SHANK2: variants seen among roughly 807,000 people sequenced by gnomAD.
SHANK2 encodes SH3 and multiple ankyrin repeat domains 2, also known as SH3 and multiple ankyrin repeat domains protein 2.
A neutral mutation model predicts 133.7 loss-of-function variants in SHANK2; 43 were observed. The ratio of observed to expected loss-of-function variants is 0.32; its 90% CI spans 0.25 to 0.41. The LOEUF is 0.41. Among genes scored for constraint, SHANK2 ranks in the 10% least tolerant of loss-of-function variants. SHANK2 has a pLI of 1.00. For synonymous variants in SHANK2, 1,017 were observed against 952.8 expected (o/e 1.07, Z -1.24); for missense variants, 1,994 against 2,235.8 (o/e 0.89, Z 2.18).
intron 3 of SHANK2, among the ~76,000 whole-genome samples, chr11:71,132,640 G>C (rs1377900283): frequency 1.2e-4 from 19 of 152,172 alleles, no homozygotes; most frequent in Non-Finnish European, 2.2e-4. Context: ...ATACGTAACA[G>C]AGGAAGGGTC....
intron 17 of SHANK2, among the ~76,000 whole-genome samples, chr11:70,615,239 A>G (rs1445441430): frequency 1.3e-5 from 2 of 152,046 alleles, no homozygotes; most frequent in Non-Finnish European, 2.9e-5. Context: ...AATGCAGCCC[A>G]CACCCCGCTC....
At chr11:70,583,011 G>T (rs1250714512) in intron 17 of SHANK2, among the ~76,000 whole-genome samples, 4 of 152,206 alleles carry the variant, frequency 2.6e-5, no homozygotes, top group Non-Finnish European at 5.9e-5. Context: ...GTGCTGCCCT[G>T]TGGCTGGGGG....
chr11:70,934,587 G>T (rs1363353261), intron 10 of SHANK2, among the ~76,000 whole-genome samples: 1 of 152,190 alleles, frequency 6.6e-6, no homozygotes, highest in East Asian at 1.9e-4. Flanking sequence ...GCCTCTCCTG[G>T]CATTCTTTGC....
At chr11:70,805,650 G>T (rs782702342) in intron 13 of SHANK2, among the ~76,000 whole-genome samples, 1 of 152,182 alleles carries the variant, frequency 6.6e-6, no homozygotes, top group Non-Finnish European at 1.5e-5. Context: ...AACCTACAGT[G>T]TTGTAAAAAC....
At chr11:70,658,264 GAC>G (rs1208417379) in intron 17 of SHANK2, among the ~76,000 whole-genome samples, 1,756 of 99,264 alleles carry the variant, frequency 0.018, 79 homozygotes, top group Admixed American at 0.11. Flanking sequence ...CACACACACA[GAC>G]ACACACACAC....
chr11:70,697,403 C>T (rs999667156), intron 15 of SHANK2, among the ~76,000 whole-genome samples: 5 of 152,146 alleles, frequency 3.3e-5, no homozygotes, highest in Admixed American at 2.6e-4. Flanking sequence ...TGAAAGATCA[C>T]GTAGCGGCTG....
At chr11:71,154,522 A>C (rs1310191083) in intron 2 of SHANK2, among the ~76,000 whole-genome samples, 2 of 152,352 alleles carry the variant, frequency 1.3e-5, no homozygotes, top group East Asian at 3.9e-4. Flanking sequence ...TGCACCTGCA[A>C]AACACATCAG....
At chr11:71,216,469 T>C (rs1194322436) in intron 2 of SHANK2, among the ~76,000 whole-genome samples, 3 of 151,978 alleles carry the variant, frequency 2.0e-5, no homozygotes, top group Non-Finnish European at 4.4e-5. Context: ...AGGTGATTGG[T>C]TAGAGGGATT....
chr11:71,190,250 G>A (rs1160876187), intron 2 of SHANK2, among the ~76,000 whole-genome samples: 3 of 152,248 alleles, frequency 2.0e-5, no homozygotes, highest in African/African-American at 7.2e-5. Context: ...CTTTGGAGCA[G>A]AGGGGAAATG....
chr11:71,182,560 C>T (rs1306347229), intron 2 of SHANK2, among the ~76,000 whole-genome samples: 3 of 152,142 alleles, frequency 2.0e-5, no homozygotes, highest in African/African-American at 7.2e-5. Flanking sequence ...ACCATCTTCT[C>T]CCTGTGTCTT....
intron 10 of SHANK2, among the ~76,000 whole-genome samples, chr11:70,901,472 A>G (rs1194849005): frequency 6.6e-6 from 1 of 152,198 alleles, no homozygotes; most frequent in African/African-American, 2.4e-5. Context: ...GGTTTTTCAG[A>G]GCCCTAGAGG....
intron 10 of SHANK2, chr11:70,943,213 CTG>C: frequency 2.5e-6 from 1 of 399,408 alleles, no homozygotes; most frequent in Admixed American, 2.9e-5. Flanking sequence ...AGGGGTCTGT[CTG>C]TGTCTGGAGG....
At chr11:71,238,524 C>T (rs1483483836) in intron 1 of SHANK2, among the ~76,000 whole-genome samples, 3 of 152,238 alleles carry the variant, frequency 2.0e-5, no homozygotes, top group South Asian at 2.1e-4. Context: ...TGCACCGCAA[C>T]GTACCACTTA....
intron 17 of SHANK2, among the ~76,000 whole-genome samples, chr11:70,617,238 T>C (rs1554996288): frequency 6.6e-6 from 1 of 151,846 alleles, no homozygotes; most frequent in Non-Finnish European, 1.5e-5. Flanking sequence ...TGTGTGCATG[T>C]GTGTCACTGA....
chr11:70,590,216 G>A (rs11236756), intron 17 of SHANK2, among the ~76,000 whole-genome samples: 19,721 of 152,156 alleles, frequency 0.13, 1,763 homozygotes, highest in Middle Eastern at 0.21. Flanking sequence ...GGACTTAAAC[G>A]CTGCAATCTC....
At chr11:70,874,081 C>T (rs1949515070) in intron 11 of SHANK2, among the ~76,000 whole-genome samples, 1 of 152,042 alleles carries the variant, frequency 6.6e-6, no homozygotes, top group Admixed American at 6.5e-5. Flanking sequence ...TCCATCCATT[C>T]ATCCATCCAT....
chr11:71,235,900 C>T (rs1464937756), intron 1 of SHANK2, among the ~76,000 whole-genome samples: 4 of 152,330 alleles, frequency 2.6e-5, no homozygotes, highest in South Asian at 2.1e-4. Flanking sequence ...CCCATCCTGC[C>T]GGCTGCCTTT....
At chr11:70,845,162 G>A (rs1555062835) in intron 11 of SHANK2, among the ~76,000 whole-genome samples, 1 of 129,952 alleles carries the variant, frequency 7.7e-6, no homozygotes, top group East Asian at 2.4e-4. Context: ...TCGTGCCACT[G>A]CACTCCAGCC....
At chr11:70,869,930 C>T (rs1207273) in intron 11 of SHANK2, among the ~76,000 whole-genome samples, 120,116 of 151,936 alleles carry the variant, frequency 0.79, 48,135 homozygotes, top group Middle Eastern at 0.9. Flanking sequence ...TGCCTTCTCA[C>T]ACACCCAGAA....
Sources: allele counts gnomAD v4.1 joint callset (sites outside exome capture counted in the v4.1 genomes callset), GRCh38; gene constraint gnomAD v4.1.1; transcripts MANE v1.5; gene names NCBI Gene and HGNC (gene_info 2026-07-23, HGNC 2026-07-21).